The following GSG1L variants were observed in gnomAD, a reference collection of about 807,000 sequenced individuals.
The protein encoded by GSG1L is germ cell-specific gene 1-like protein.
In GSG1L, 24 loss-of-function variants were observed where a neutral mutation model predicts 42.1. That is an observed-to-expected ratio of 0.57 (90% confidence interval 0.41 to 0.80). The LOEUF is 0.80. Ranked by LOEUF, GSG1L falls within the 30% of genes least tolerant of loss-of-function variation. The pLI, the probability that GSG1L is intolerant of heterozygous loss-of-function variation, is 0.00. For missense variants in GSG1L, 445 were observed against 472.2 expected, an observed-to-expected ratio of 0.94 and a Z score of 0.53; for synonymous variants, 215 against 203.5, an observed-to-expected ratio of 1.06 and a Z score of -0.48.
At chr16:27,904,436 G>A (rs547100428) in intron 2 of GSG1L, among the ~76,000 whole-genome samples, 33 of 152,012 alleles carry the variant, frequency 2.2e-4, no homozygotes, top group Admixed American at 1.1e-3. Context: ...TAAAATTGCC[G>A]ATGCCCCTCC....
In GSG1L at chr16:28,048,765, C is replaced by T. The variant is rs1024239893; in HGVS notation, c.349+14311G>A. 3.9e-5 allele frequency among the ~76,000 whole-genome samples: 6 copies of T among 152,168 alleles called. 1 individual carries two copies. The highest frequency in any genetic ancestry group is 8.8e-5 in the Non-Finnish European group (6 of 68,034). Reference sequence around the variant, plus strand: ...AGAGGCAAACTCATAGCATTAAATGCATTCATAATTTTTTAACTATGAAAA... The same window carrying T: ...AGAGGCAAACTCATAGCATTAAATGTATTCATAATTTTTTAACTATGAAAA... On this transcript the variant is annotated intron_variant, in intron 1 of 6. Transcript: ENST00000447459.
At chr16:27,888,426 TTCTTTCTTTC>T (rs1003437973) in intron 2 of GSG1L, among the ~76,000 whole-genome samples, 3 of 21,018 alleles carry the variant, frequency 1.4e-4, no homozygotes, top group African/African-American at 2.9e-4. Context: ...CTTTCTTTCT[TTCTTTCTTTC>T]TTTCTTTCTT....
Position 27,979,661 on chromosome 16 carries a change from A to AAGAAAGAG in GSG1L, c.350-16459_350-16458insCTCTTTCT, listed in dbSNP as rs368394279. Among the ~76,000 whole-genome samples the AAGAAAGAG allele has an allele frequency of 1.7e-3, 117 of 67,706 alleles. 8 individuals are homozygous for AAGAAAGAG. The highest frequency in any genetic ancestry group is 7.4e-3 in the African/African-American group (114 of 15,510). The allele number at this position is 67,706 out of a possible 152,430, so 44.4% of individuals were successfully genotyped here. On this transcript the variant is annotated intron_variant, in intron 1 of 6. Coordinates refer to ENST00000447459, the MANE Select transcript of GSG1L (RefSeq NM_001109763.2). ...GGGAGGGGAAAGAAAGAAAGAAAGAAAGAGAGAGAGAGAGAGAGAAAGAAA... is the reference window on the plus strand; with the variant it reads ...GGGAGGGGAAAGAAAGAAAGAAAGAAAGAAAGAGAGAGAGAGAGAGAGAGAGAAAGAAA...
At chr16:27,937,562 C>T (rs1187493647) in intron 2 of GSG1L, among the ~76,000 whole-genome samples, 2 of 152,198 alleles carry the variant, frequency 1.3e-5, no homozygotes, top group Admixed American at 6.5e-5. Flanking sequence ...TCTCGAAGGA[C>T]CATCTCCCTT....
chr16:27,801,829 C>T (rs144056119), intron 6 of GSG1L, among the ~76,000 whole-genome samples: 1 of 152,180 alleles, frequency 6.6e-6, no homozygotes, highest in African/African-American at 2.4e-5. Context: ...ATGGTCTTAA[C>T]CTCCTGGGCC....
At chr16:28,031,258 A>AATGGG (rs1252278586) in intron 1 of GSG1L, among the ~76,000 whole-genome samples, 1 of 65,000 alleles carries the variant, frequency 1.5e-5, no homozygotes, top group Non-Finnish European at 3.1e-5. Context: ...GATAAGATGG[A>AATGGG]ATGGGATGGG....
intron 2 of GSG1L, among the ~76,000 whole-genome samples, chr16:27,903,592 G>A (rs912361383): frequency 6.6e-6 from 1 of 152,172 alleles, no homozygotes; most frequent in Non-Finnish European, 1.5e-5. Context: ...CTCCACCAAA[G>A]CCCATTTTGA....
chr16:27,870,383 C>T (rs1443660777), intron 3 of GSG1L, among the ~76,000 whole-genome samples: 2 of 150,058 alleles, frequency 1.3e-5, no homozygotes, highest in African/African-American at 5.0e-5. Context: ...CTCTCTCTTT[C>T]TCTCTCTCTG....
intron 1 of GSG1L, among the ~76,000 whole-genome samples, chr16:27,978,576 A>G (rs180990000): frequency 1.5e-4 from 23 of 152,110 alleles, no homozygotes; most frequent in African/African-American, 5.5e-4. Context: ...CTGTAATCCC[A>G]GCTACTCAGG....
intron 1 of GSG1L, among the ~76,000 whole-genome samples, chr16:28,029,747 G>C (rs2085937322): frequency 6.6e-6 from 1 of 152,212 alleles, no homozygotes; most frequent in African/African-American, 2.4e-5. Context: ...AATTAAAGAT[G>C]GATGGATGAT....
chr16:27,927,015 T>A (rs1259816445), intron 2 of GSG1L, among the ~76,000 whole-genome samples: 1 of 152,142 alleles, frequency 6.6e-6, no homozygotes, highest in Non-Finnish European at 1.5e-5. Context: ...CTGAGTGGCC[T>A]CCCTCGACAA....
chr16:27,979,213 C>G (rs966001977), intron 1 of GSG1L, among the ~76,000 whole-genome samples: 1 of 152,034 alleles, frequency 6.6e-6, no homozygotes, highest in African/African-American at 2.4e-5. Context: ...ACTACAGAGG[C>G]TGAGACAGGA....
intron 2 of GSG1L, among the ~76,000 whole-genome samples, chr16:27,935,839 T>C (rs8060913): frequency 0.15 from 22,484 of 145,664 alleles, 1,901 homozygotes; most frequent in East Asian, 0.25. Context: ...CTCCTTGAAA[T>C]TGCATGTGCT....
intron 2 of GSG1L, among the ~76,000 whole-genome samples, chr16:27,930,539 G>C (rs971075122): frequency 6.6e-6 from 1 of 152,206 alleles, no homozygotes. Flanking sequence ...GCCTTGTACA[G>C]TGCCTGGCAC....
intron 1 of GSG1L, among the ~76,000 whole-genome samples, chr16:28,022,928 C>T (rs967886333): frequency 6.6e-6 from 1 of 152,136 alleles, no homozygotes; most frequent in African/African-American, 2.4e-5. Context: ...CCTCAGCCTC[C>T]CAAAGTGCTG....
At chr16:27,809,033 G>C (rs572206215) in intron 5 of GSG1L, among the ~76,000 whole-genome samples, 1 of 152,258 alleles carries the variant, frequency 6.6e-6, no homozygotes, top group East Asian at 1.9e-4. Flanking sequence ...GTAAATTCCA[G>C]AGTTCCACAC....
intron 5 of GSG1L, among the ~76,000 whole-genome samples, chr16:27,822,082 G>C (rs75423759): frequency 6.6e-6 from 1 of 151,850 alleles, no homozygotes. Flanking sequence ...CTCTAACAGA[G>C]GGATGGGGTG....
At chr16:27,842,755 T>C (rs2083401024) in intron 4 of GSG1L, among the ~76,000 whole-genome samples, 1 of 152,274 alleles carries the variant, frequency 6.6e-6, no homozygotes. Context: ...AGAGTGGAGA[T>C]GGAGCTGGGG....
chr16:28,001,626 C>T (rs2085578792), intron 1 of GSG1L, among the ~76,000 whole-genome samples: 1 of 152,208 alleles, frequency 6.6e-6, no homozygotes, highest in South Asian at 2.1e-4. Context: ...GGCCCTCTCC[C>T]AGGTCAAAGC....
Sources: gnomAD v4.1 joint callset for allele counts (sites outside exome capture counted in the v4.1 genomes callset) on GRCh38, gnomAD v4.1.1 for gene constraint, MANE v1.5 for transcripts, NCBI Gene and HGNC (gene_info 2026-07-23, HGNC 2026-07-21) for gene names.